Variants in STARD9 observed in about 807,000 individuals in gnomAD.
STARD9 encodes the protein StAR related lipid transfer domain containing 9, also known as stAR-related lipid transfer protein 9.
In STARD9, 346 loss-of-function variants were observed where a neutral mutation model predicts 399.8. The ratio of observed to expected loss-of-function variants is 0.87; its 90% CI spans 0.79 to 0.95. The LOEUF is 0.95. Among genes scored for constraint, STARD9 ranks in the 40% least tolerant of loss-of-function variants. The probability of loss-of-function intolerance (pLI) is 0.00; values close to 1 mark genes in which losing one functional copy is unlikely to be tolerated. For missense variants in STARD9, 5,832 were observed against 5,667.5 expected (o/e 1.03, Z -0.93); for synonymous variants, 2,203 against 2,143.5 (o/e 1.03, Z -0.77).
chr15:42,666,395 G>A (rs1485877173), intron 15 of STARD9, among the ~76,000 whole-genome samples: 1 of 152,168 alleles, frequency 6.6e-6, no homozygotes, highest in East Asian at 1.9e-4. Flanking sequence ...GTTTGCTAGG[G>A]TTGTTACATA....
intron 1 of STARD9, among the ~76,000 whole-genome samples, chr15:42,583,044 G>T (rs2058206132): frequency 6.6e-6 from 1 of 152,220 alleles, no homozygotes; most frequent in South Asian, 2.1e-4. Context: ...GCTATGTCAG[G>T]AGGATACGTA....
rs376557175 is a variant in STARD9 at position 42,686,549 on chromosome 15, T to C, written c.4971T>C (p.Ser1657=). Residue 1657 remains serine, a synonymous_variant, in exon 23 of 33, where the codon AGT becomes AGC. Transcript: ENST00000290607. ...TTTTCCAGAAGAACGCTTGTCACAG[T>C]AATGTCACTACAGCCACCAAAGCAG... is the stretch of plus-strand genomic sequence containing the variant. ...EDFFQKNACH[S]NVTTATKADH... is the part of the protein sequence containing the mutation. The C allele has an allele frequency of 2.7e-4, 418 of 1,537,576 alleles. 1 individual carries two copies. The African/African-American group carries it at 4.4e-3, about 16-fold the overall frequency.
rs1174659700 is a variant in STARD9 at position 42,682,430 on chromosome 15, C to T, written c.2392C>T (p.Gln798Ter). The change falls in exon 22 of 33, where the codon CAG becomes TAG. Residue 798 changes from glutamine to a stop codon, truncating the protein, a stop_gained. Transcript: ENST00000290607. LOFTEE classifies it high-confidence loss of function. ...GAAGCTCACGACATTGTGCTGGCTC[C>T]AGGATGACAGCACCCAGGAGCCCCC... ...LEKLTTLCWLQDDSTQEPPYQ... is the reference protein window; with the variant it reads ...LEKLTTLCWL 3 of 1,537,200 alleles carry T rather than the reference C, an allele frequency of 2.0e-6. No homozygotes were observed. The highest frequency in any genetic ancestry group is 2.6e-6 in the Non-Finnish European group (3 of 1,146,882).
In STARD9 at chr15:42,652,552, G is replaced by GC; in HGVS notation, c.663dup (p.Ser222GlnfsTer23). 1 of 1,537,516 alleles carries GC rather than the reference G, an allele frequency of 6.5e-7. No homozygotes were observed. The highest frequency in any genetic ancestry group is 1.4e-5 in the African/African-American group (1 of 73,162). Reference sequence around the variant, plus strand: ...GCAGCCACCCATGTTCATGAGGCCAGCAGCAGATCCCACGCCATTTTCACG... The same window carrying GC: ...GCAGCCACCCATGTTCATGAGGCCAGCCAGCAGATCCCACGCCATTTTCACG... On this transcript the variant is annotated frameshift_variant, in exon 9 of 33. Transcript: ENST00000290607. LOFTEE classifies it high-confidence loss of function.
intron 9 of STARD9, among the ~76,000 whole-genome samples, chr15:42,660,636 A>C (rs1163489144): frequency 6.6e-6 from 1 of 151,948 alleles, no homozygotes; most frequent in Non-Finnish European, 1.5e-5. Flanking sequence ...ACAAAATAAC[A>C]AAACCGACAT....
In STARD9 at chr15:42,684,413, G is replaced by A. The variant is rs1330035531; in HGVS notation, c.2835G>A (p.Val945=). 1.3e-6 allele frequency: 2 copies of A among 1,537,170 alleles called. No individual in the cohort carries two copies. Among genetic ancestry groups the A allele is most frequent in the South Asian group, 1.2e-5 (1 of 84,064 alleles). ...GGGTTAAGCAGCCCCATCAGATGGT[G>A]AGCCAGGGCTTAGCATCTCTGAGGA... is the stretch of plus-strand genomic sequence containing the variant. ...EMGVKQPHQM[V]SQGLASLRKS... The change falls in exon 23 of 33, where the codon GTG becomes GTA. Residue 945 remains valine, a synonymous_variant. Coordinates refer to ENST00000290607, the MANE Select transcript of STARD9 (RefSeq NM_020759.3).
intron 3 of STARD9, among the ~76,000 whole-genome samples, chr15:42,590,859 G>A (rs991322991): frequency 1.3e-5 from 2 of 152,138 alleles, no homozygotes; most frequent in Non-Finnish European, 2.9e-5. Context: ...GTGGGGAGGG[G>A]ACCAGGCCAT....
chr15:42,581,443 C>T, intron 1 of STARD9: 1 of 1,531,728 alleles, frequency 6.5e-7, no homozygotes, highest in Non-Finnish European at 9.0e-7. Context: ...GTGGGGAAGG[C>T]GCGGCTCTGG....
At chr15:42,671,624 T>C (rs1173416500) in intron 16 of STARD9, 1 of 149,944 alleles carries the variant, frequency 6.7e-6, no homozygotes, top group African/African-American at 2.5e-5. Flanking sequence ...AGGAAAGGAA[T>C]GTGAGCTGGT....
Position 42,718,465 on chromosome 15 carries a change from C to G in STARD9, c.13793C>G (p.Ala4598Gly), listed in dbSNP as rs773029119. The change falls in exon 31 of 33, where the codon GCA (alanine) becomes GGA (glycine). Residue 4598 changes from alanine (A) to glycine (G), a missense_variant. Ala to Gly is a moderately conservative substitution (Grantham distance 60). Around this residue, in one of 2 missense-constraint regions of STARD9, gnomAD observed 5,828 missense variants for 5,651.1 expected, o/e 1.03. Transcript: ENST00000290607. ...VYLVCNTTLC[A>G]LKQPRDFCCV... ...TTGGTGTGCAACACCACCCTGTGCG[C>G]ACTGAAGCAGCCACGGGATTTCTGT... 2 of 1,537,236 alleles carry G rather than the reference C, an allele frequency of 1.3e-6. No individual in the cohort carries two copies.
intron 1 of STARD9, among the ~76,000 whole-genome samples, chr15:42,579,898 A>G (rs2058132439): frequency 6.6e-6 from 1 of 152,170 alleles, no homozygotes; most frequent in African/African-American, 2.4e-5. Context: ...ACACAATACT[A>G]TGATCAGGCG....
At chr15:42,604,934 C>T (rs1015911702) in intron 3 of STARD9, among the ~76,000 whole-genome samples, 11 of 152,108 alleles carry the variant, frequency 7.2e-5, no homozygotes, top group Admixed American at 3.3e-4. Flanking sequence ...TGAGCCATCG[C>T]GCCTGACCTG....
chr15:42,674,790 C>G (rs376606487), intron 17 of STARD9, 37 bp from the exon 18 acceptor site: 6 of 1,491,338 alleles, frequency 4.0e-6, no homozygotes, highest in Non-Finnish European at 5.3e-6. Context: ...TTCCCTGCAT[C>G]GTCCTCCCAC....
intron 22 of STARD9, 106 bp downstream of exon 22, chr15:42,682,681 A>G (rs911887199): frequency 1.2e-6 from 1 of 846,092 alleles, no homozygotes; most frequent in African/African-American, 1.7e-5. Flanking sequence ...AGTCTGTGAA[A>G]TGGAAGAATG....
chr15:42,578,672 T>A (rs1340145879), intron 1 of STARD9, among the ~76,000 whole-genome samples: 2 of 152,076 alleles, frequency 1.3e-5, no homozygotes, highest in African/African-American at 4.8e-5. Context: ...AAAATGAGAT[T>A]TGGAGTTTAA....
chr15:42,706,845 G>A (rs1330701132), intron 26 of STARD9, among the ~76,000 whole-genome samples: 1 of 152,104 alleles, frequency 6.6e-6, no homozygotes, highest in African/African-American at 2.4e-5. Flanking sequence ...TCCAGAATGG[G>A]TATTTCAGAG....
At chr15:42,584,739 CT>C (rs2058240667) in intron 2 of STARD9, among the ~76,000 whole-genome samples, 2 of 152,176 alleles carry the variant, frequency 1.3e-5, no homozygotes, top group African/African-American at 4.8e-5. Flanking sequence ...AATGTGGTGT[CT>C]AAATGGGGGT....
At chr15:42,624,635 G>A (rs888874193) in intron 3 of STARD9, among the ~76,000 whole-genome samples, 11 of 151,330 alleles carry the variant, frequency 7.3e-5, no homozygotes, top group Non-Finnish European at 1.5e-4. Flanking sequence ...TGCAACCTCC[G>A]CCTCCCAGGT....
At chr15:42,627,067 G>A (rs564833722) in intron 3 of STARD9, among the ~76,000 whole-genome samples, 180 of 152,184 alleles carry the variant, frequency 1.2e-3, no homozygotes, top group African/African-American at 4.3e-3. Flanking sequence ...GGCCAAGGTG[G>A]GTGGATCGCT....
Sources: allele counts gnomAD v4.1 joint callset (sites outside exome capture counted in the v4.1 genomes callset), GRCh38; gene constraint gnomAD v4.1.1; regional missense constraint gnomAD v4.1.1; transcripts MANE v1.5; gene names NCBI Gene and HGNC (gene_info 2026-07-23, HGNC 2026-07-21).